Variants in ASIC2 observed in about 807,000 individuals in gnomAD.
ASIC2 encodes acid-sensing ion channel 2.
ASIC2 carries 25 observed loss-of-function variants against 57.3 expected under a neutral mutation model. The ratio of observed to expected loss-of-function variants is 0.44; its 90% CI spans 0.32 to 0.61. The LOEUF is 0.61. Ranked by LOEUF, ASIC2 falls within the 20% of genes least tolerant of loss-of-function variation. ASIC2 has a pLI of 0.06. For missense variants in ASIC2, 641 were observed against 738.1 expected (o/e 0.87, Z 1.52); for synonymous variants, 319 against 307.5 (o/e 1.04, Z -0.39).
chr17:33,473,867 G>A (rs1329057538), intron 1 of ASIC2, among the ~76,000 whole-genome samples: 8 of 149,272 alleles, frequency 5.4e-5, no homozygotes, highest in Admixed American at 2.7e-4. Flanking sequence ...CCCCCATCAC[G>A]TACCCATGAG....
At chr17:33,238,612 T>G (rs1908384669) in intron 1 of ASIC2, among the ~76,000 whole-genome samples, 1 of 152,204 alleles carries the variant, frequency 6.6e-6, no homozygotes. Context: ...CTCTTCCCTG[T>G]TGTTGCTGAA....
chr17:33,164,574 A>ACGCG lies in ASIC2; in HGVS notation c.709-52508_709-52507insCGCG, dbSNP rs199521350. Among the ~76,000 whole-genome samples, 393 of 79,100 alleles carry ACGCG rather than the reference A, an allele frequency of 5.0e-3. 6 individuals are homozygous for ACGCG. Among genetic ancestry groups the ACGCG allele is most frequent in the African/African-American group, 0.017 (327 of 19,224 alleles). 51.9% of individuals were successfully genotyped at this position (79,100 alleles called of 152,430 possible). On this transcript the variant is annotated intron_variant, in intron 1 of 9. Transcript: ENST00000225823. Reference sequence around the variant, plus strand: ...AAACAGCTGTCCCAAAAGCACATGCACGCACACACACACACACACACACAC... The same window carrying ACGCG: ...AAACAGCTGTCCCAAAAGCACATGCACGCGCGCACACACACACACACACACACAC...
chr17:33,892,525 T>C (rs1472170430), intron 1 of ASIC2, among the ~76,000 whole-genome samples: 1 of 152,106 alleles, frequency 6.6e-6, no homozygotes, highest in Non-Finnish European at 1.5e-5. Context: ...ATCCCATCAC[T>C]CTACATTACT....
chr17:33,607,464 A>G (rs1010584608), intron 1 of ASIC2, among the ~76,000 whole-genome samples: 1 of 151,950 alleles, frequency 6.6e-6, no homozygotes, highest in Non-Finnish European at 1.5e-5. Flanking sequence ...TTCTCATTAC[A>G]CCCACTGCAG....
intron 1 of ASIC2, among the ~76,000 whole-genome samples, chr17:33,145,618 G>A (rs540050385): frequency 6.6e-5 from 10 of 152,146 alleles, no homozygotes; most frequent in African/African-American, 1.4e-4. Context: ...ACCTATTTCC[G>A]TATTTCTGAC....
chr17:33,108,283 C>T (rs901312526), intron 2 of ASIC2, among the ~76,000 whole-genome samples: 7 of 152,200 alleles, frequency 4.6e-5, no homozygotes, highest in South Asian at 2.1e-4. Flanking sequence ...CAAACTGCCA[C>T]GGGCACATTT....
intron 1 of ASIC2, chr17:34,002,095 C>T (rs1348472501): frequency 6.6e-6 from 1 of 152,262 alleles, no homozygotes; most frequent in African/African-American, 2.4e-5. Flanking sequence ...CCTTCTCTAA[C>T]TCAATCAGTA....
chr17:33,095,258 C>T (rs568682702), intron 2 of ASIC2, among the ~76,000 whole-genome samples: 43 of 152,168 alleles, frequency 2.8e-4, no homozygotes, highest in African/African-American at 9.6e-4. Context: ...TAGACTGGCC[C>T]CTCCTCTCAT....
rs534147934 is a variant in ASIC2 at position 33,702,700 on chromosome 17, A to G, written c.555+453278T>C. Among the ~76,000 whole-genome samples, 15 of 152,346 alleles carry G rather than the reference A, an allele frequency of 9.8e-5. 1 individual carries two copies. The South Asian group carries it at 3.1e-3, about 32-fold the overall frequency. ...TGGGACACAGAACAAATGTCTTGAT[A>G]ACTGCAATCTACTTCTTATAAATAT... is the stretch of plus-strand genomic sequence containing the variant. On this transcript the variant is annotated intron_variant, in intron 1 of 9. Transcript: ENST00000359872.
intron 1 of ASIC2, among the ~76,000 whole-genome samples, chr17:33,394,066 C>G (rs1909992141): frequency 6.6e-6 from 1 of 152,198 alleles, no homozygotes; most frequent in Non-Finnish European, 1.5e-5. Flanking sequence ...GTTTAGCACA[C>G]CTCTGGCACA....
At chr17:33,643,150 C>CG (rs1555549420) in intron 1 of ASIC2, among the ~76,000 whole-genome samples, 55 of 149,254 alleles carry the variant, frequency 3.7e-4, no homozygotes, top group South Asian at 4.5e-4. Flanking sequence ...GCTCATTTCC[C>CG]CCCCCCCACA....
rs1351571912 is a variant in ASIC2, at chr17:34,018,131, C to T, written c.555+137847G>A. On this transcript the variant is annotated intron_variant, in intron 1 of 9. Coordinates refer to the ASIC2 transcript ENST00000359872. ...TGACTCTCTTGTTAGGCTCTGAATG[C>T]AGTCAGAGACTTTAAGTTGAAGCCA... Among the ~76,000 whole-genome samples, 4 of 152,126 alleles carry T rather than the reference C, an allele frequency of 2.6e-5. No homozygotes were observed. The East Asian group carries it at 7.7e-4, about 29-fold the overall frequency.
At chr17:33,049,544 C>G (rs1442227917) in intron 3 of ASIC2, among the ~76,000 whole-genome samples, 1 of 152,022 alleles carries the variant, frequency 6.6e-6, no homozygotes, top group Non-Finnish European at 1.5e-5. Flanking sequence ...GAGTTGTTAC[C>G]TTAGATTTGA....
At chr17:33,461,263 C>G (rs12601996) in intron 1 of ASIC2, among the ~76,000 whole-genome samples, 29,561 of 152,222 alleles carry the variant, frequency 0.19, 3,199 homozygotes, top group Non-Finnish European at 0.24. Flanking sequence ...AGTTTTGAAA[C>G]CTTATTCACC....
chr17:33,150,908 T>A (rs1195737996), intron 1 of ASIC2, among the ~76,000 whole-genome samples: 2 of 148,852 alleles, frequency 1.3e-5, no homozygotes, highest in Non-Finnish European at 3.0e-5. Flanking sequence ...CAGGCACTTG[T>A]AATCCCAGCT....
At chr17:33,533,453 T>C (rs1915123365) in intron 1 of ASIC2, 1 of 152,270 alleles carries the variant, frequency 6.6e-6, no homozygotes. Context: ...GCCCTACCTT[T>C]TTCTTCTTGC....
intron 1 of ASIC2, among the ~76,000 whole-genome samples, chr17:33,700,804 G>C (rs367658565): frequency 2.0e-5 from 3 of 152,096 alleles, no homozygotes; most frequent in African/African-American, 7.2e-5. Flanking sequence ...GACCAGAACC[G>C]GAGAGATGGG....
At chr17:33,197,953 G>A (rs924182830) in intron 1 of ASIC2, among the ~76,000 whole-genome samples, 2 of 152,284 alleles carry the variant, frequency 1.3e-5, no homozygotes, top group African/African-American at 2.4e-5. Context: ...TGGCACTCTC[G>A]TCCTGGGCCT....
chr17:33,089,036 T>A (rs768520543), intron 2 of ASIC2, 46 bp from the exon 3 acceptor site: 1 of 1,610,370 alleles, frequency 6.2e-7, no homozygotes, highest in East Asian at 2.2e-5. Context: ...TAACAACAGA[T>A]GCTCATGGAG....
Sources: allele counts gnomAD v4.1 joint callset (sites outside exome capture counted in the v4.1 genomes callset), GRCh38; gene constraint gnomAD v4.1.1; transcripts MANE v1.5; gene names NCBI Gene and HGNC (gene_info 2026-07-23, HGNC 2026-07-21).